The following MCTP2 variants were observed in gnomAD, a reference collection of about 807,000 sequenced individuals.
MCTP2 encodes multiple C2 and transmembrane domain containing 2.
Under a neutral mutation model 111.6 loss-of-function variants are expected in MCTP2, and 132 were observed. That is an observed-to-expected ratio of 1.18 (90% CI 1.03 to 1.37). The LOEUF (loss-of-function observed/expected upper bound fraction) is 1.37, where lower values mean the gene tolerates loss of function less well. Ranked by LOEUF, MCTP2 falls within the 40% of genes most tolerant of loss-of-function variation. The probability of loss-of-function intolerance (pLI) is 0.00; values close to 1 mark genes in which losing one functional copy is unlikely to be tolerated. For missense variants in MCTP2, 1,183 were observed against 1,067.9 expected (o/e 1.11, Z -1.50); for synonymous variants, 395 against 387.7 (o/e 1.02, Z -0.22).
chr15:94,402,652 G>A, intron 17 of MCTP2: 1 of 1,537,646 alleles, frequency 6.5e-7, no homozygotes, highest in Non-Finnish European at 8.8e-7. Flanking sequence ...GGACTTCACA[G>A]CTGGCCTCAT....
In MCTP2 at chr15:94,245,723, T is replaced by TA. The variant is rs199550163; in HGVS notation, c.-66+14060dup. On this transcript the variant is annotated intron_variant, in intron 1 of 22. Transcript: ENST00000357742. ...ATATATGTGTGTGTGTGTGTATATA[T>TA]ATATATATATATCTATATAGACAAA... is the stretch of plus-strand genomic sequence containing the variant. Among the ~76,000 whole-genome samples, 1,420 of 148,214 alleles carry TA rather than the reference T, an allele frequency of 9.6e-3. 25 individuals are homozygous for TA. Among genetic ancestry groups the TA allele is most frequent in the East Asian group, 0.039 (196 of 5,058 alleles).
At chr15:94,257,056 C>T (rs2072820928) in intron 1 of MCTP2, among the ~76,000 whole-genome samples, 1 of 152,200 alleles carries the variant, frequency 6.6e-6, no homozygotes, top group South Asian at 2.1e-4. Context: ...TCATCTTATT[C>T]TGTCACTGAT....
chr15:94,316,851 G>A (rs1275640185), intron 4 of MCTP2, among the ~76,000 whole-genome samples: 1 of 151,978 alleles, frequency 6.6e-6, no homozygotes, highest in African/African-American at 2.4e-5. Context: ...TCTTGCTTCG[G>A]TTCTTGGACG....
intron 17 of MCTP2, among the ~76,000 whole-genome samples, chr15:94,438,887 A>G (rs1239033370): frequency 2.0e-5 from 3 of 152,146 alleles, no homozygotes; most frequent in Admixed American, 6.5e-5. Context: ...AAACAGTGAT[A>G]TCCTTCTGAA....
At chr15:94,390,033 T>C (rs1415575101) in intron 14 of MCTP2, among the ~76,000 whole-genome samples, 2 of 144,596 alleles carry the variant, frequency 1.4e-5, no homozygotes, top group Non-Finnish European at 3.0e-5. Context: ...TCATTATTGA[T>C]GGTGAATGTT....
intron 1 of MCTP2, among the ~76,000 whole-genome samples, chr15:94,276,947 CAAAA>C (rs71132999): frequency 2.5e-5 from 3 of 118,772 alleles, no homozygotes; most frequent in East Asian, 2.5e-4. Context: ...GTTGGAAGCC[CAAAA>C]AAAAAAAAAA....
At chr15:94,288,617 A>G (rs2074878566) in intron 1 of MCTP2, among the ~76,000 whole-genome samples, 1 of 152,270 alleles carries the variant, frequency 6.6e-6, no homozygotes, top group South Asian at 2.1e-4. Flanking sequence ...AGAGAGTTTT[A>G]TAACATTCAA....
chr15:94,360,093 C>G (rs985484038), intron 10 of MCTP2, among the ~76,000 whole-genome samples: 2 of 152,108 alleles, frequency 1.3e-5, no homozygotes, highest in African/African-American at 4.8e-5. Flanking sequence ...TTTTTCATCA[C>G]ACGTGTCCAA....
intron 1 of MCTP2, among the ~76,000 whole-genome samples, chr15:94,245,410 T>TTATATACATGTGTGTATATATTTA (rs1567265156): frequency 7.3e-5 from 10 of 137,518 alleles, no homozygotes; most frequent in African/African-American, 2.4e-4. Context: ...GTGTATATAT[T>TTATATACATGTGTGTATATATTTA]TATATACATG....
chr15:94,296,369 C>T (rs992723425), intron 1 of MCTP2, among the ~76,000 whole-genome samples: 1 of 152,108 alleles, frequency 6.6e-6, no homozygotes, highest in Non-Finnish European at 1.5e-5. Context: ...CCAAAATGAC[C>T]CAATACAAAG....
intron 1 of MCTP2, among the ~76,000 whole-genome samples, chr15:94,260,985 A>G (rs573198922): frequency 8.6e-4 from 131 of 152,144 alleles, no homozygotes; most frequent in Non-Finnish European, 1.6e-3. Flanking sequence ...CATCAGCACG[A>G]TGAAACCTTG....
At chr15:94,416,957 T>C (rs2082405102) in intron 17 of MCTP2, among the ~76,000 whole-genome samples, 1 of 152,138 alleles carries the variant, frequency 6.6e-6, no homozygotes, top group South Asian at 2.1e-4. Flanking sequence ...AGACTAAGGA[T>C]TTAGGTTTCA....
intron 17 of MCTP2, among the ~76,000 whole-genome samples, chr15:94,408,144 A>C (rs772351553): frequency 6.6e-6 from 1 of 152,232 alleles, no homozygotes; most frequent in Non-Finnish European, 1.5e-5. Context: ...GCATTTCATT[A>C]AGCTCTTTCA....
At chr15:94,232,163 A>C (rs533274536) in intron 1 of MCTP2, among the ~76,000 whole-genome samples, 1 of 152,330 alleles carries the variant, frequency 6.6e-6, no homozygotes, top group South Asian at 2.1e-4. Context: ...CCCACTGAAG[A>C]TAAGTAAGTT....
At chr15:94,408,354 G>C (rs1380683570) in intron 17 of MCTP2, among the ~76,000 whole-genome samples, 2 of 152,200 alleles carry the variant, frequency 1.3e-5, no homozygotes, top group East Asian at 3.8e-4. Flanking sequence ...TGCACACACA[G>C]AACCATATAC....
At chr15:94,271,166 C>T (rs1255525390) in intron 1 of MCTP2, among the ~76,000 whole-genome samples, 2 of 152,124 alleles carry the variant, frequency 1.3e-5, no homozygotes, top group Non-Finnish European at 2.9e-5. Flanking sequence ...ATCCTTTCTA[C>T]TAGTTACATA....
chr15:94,483,866 A>G lies in MCTP2; in HGVS notation c.*4832A>G, dbSNP rs1413880374. ...TGAACTTTAAAAAAAACTATGTTCT[A>G]TCAAAACCTGCCTCTCATTTATGTA... On this transcript the variant is annotated 3_prime_UTR_variant, in exon 23 of 23. Coordinates refer to ENST00000357742, the MANE Select transcript of MCTP2 (RefSeq NM_001385001.1). 6.6e-6 allele frequency: 1 copy of G among 152,218 alleles called. No individual in the cohort carries two copies. Among genetic ancestry groups the G allele is most frequent in the East Asian group, 1.9e-4 (1 of 5,202 alleles). The allele number at this position is 152,218 out of a possible 1,614,324, so 9.4% of individuals were successfully genotyped here. A position where few individuals can be genotyped will look rare whatever the true frequency, so the allele number is the denominator to read the frequency against.
At chr15:94,467,129 TA>T (rs2073412361) in intron 20 of MCTP2, among the ~76,000 whole-genome samples, 3 of 152,210 alleles carry the variant, frequency 2.0e-5, no homozygotes, top group Non-Finnish European at 1.5e-5. Context: ...ATGCAGTTAT[TA>T]TTCCTGTTTT....
At position 94,479,313 on chromosome 15, in the gene MCTP2, C is replaced by G; in HGVS notation, c.*279C>G. ...CATTCTGAAATAGGAGATAACAAGG[C>G]TGCCATGGATCTGAACACCACCTTC... On this transcript the variant is annotated 3_prime_UTR_variant, in exon 23 of 23. Transcript: ENST00000357742. The G allele has an allele frequency of 2.1e-6, 1 of 467,338 alleles. No individual in the cohort carries two copies. Among genetic ancestry groups the G allele is most frequent in the Non-Finnish European group, 3.9e-6 (1 of 257,614 alleles). The allele number at this position is 467,338 out of a possible 1,614,324, so 28.9% of individuals were successfully genotyped here.
Sources: gnomAD v4.1 joint callset for allele counts (sites outside exome capture counted in the v4.1 genomes callset) on GRCh38, gnomAD v4.1.1 for gene constraint, MANE v1.5 for transcripts, NCBI Gene and HGNC (gene_info 2026-07-23, HGNC 2026-07-21) for gene names.